REC114: variants seen among roughly 807,000 people sequenced by gnomAD.
REC114 encodes the protein meiotic recombination protein REC114.
Under a neutral mutation model 31.3 loss-of-function variants are expected in REC114, and 27 were observed. The observed-to-expected ratio is 0.86, with a 90% CI of 0.64 to 1.19. The LOEUF (loss-of-function observed/expected upper bound fraction) is 1.19, where lower values mean the gene tolerates loss of function less well. REC114 is among the 50% of genes most tolerant of loss of function. The pLI is 0.00. For synonymous variants in REC114, 134 were observed against 127.7 expected, an observed-to-expected ratio of 1.05 and a Z score of -0.33; for missense variants, 344 against 326.9, an observed-to-expected ratio of 1.05 and a Z score of -0.40.
intron 1 of REC114, among the ~76,000 whole-genome samples, chr15:73,455,749 G>C (rs944303685): frequency 6.6e-6 from 1 of 152,078 alleles, no homozygotes; most frequent in African/African-American, 2.4e-5. Flanking sequence ...TGTAAAACAC[G>C]CATGCACACT....
intron 4 of REC114, among the ~76,000 whole-genome samples, chr15:73,553,567 T>TA (rs1274754463): frequency 1.3e-5 from 2 of 152,162 alleles, no homozygotes; most frequent in African/African-American, 4.8e-5. Context: ...GAGTTCCTTA[T>TA]AAAGGTAATG....
chr15:73,450,567 A>T (rs1181765473), intron 1 of REC114, among the ~76,000 whole-genome samples: 1 of 152,180 alleles, frequency 6.6e-6, no homozygotes, highest in East Asian at 1.9e-4. Context: ...TCAATATTAG[A>T]CAGATCAATG....
At chr15:73,451,849 A>T (rs1892854415) in intron 1 of REC114, among the ~76,000 whole-genome samples, 1 of 152,224 alleles carries the variant, frequency 6.6e-6, no homozygotes, top group Non-Finnish European at 1.5e-5. Flanking sequence ...CAATAAATGT[A>T]ATCCATCACA....
chr15:73,500,990 C>G (rs527967794), intron 2 of REC114, among the ~76,000 whole-genome samples: 1 of 152,236 alleles, frequency 6.6e-6, no homozygotes, highest in Admixed American at 6.5e-5. Flanking sequence ...GGCTTACTAC[C>G]CACTTAACAG....
intron 4 of REC114, among the ~76,000 whole-genome samples, chr15:73,552,878 C>T (rs183776882): frequency 1.6e-3 from 247 of 152,268 alleles, no homozygotes; most frequent in Non-Finnish European, 2.0e-3. Context: ...TGCAATGGCA[C>T]GATCTCGGCT....
At chr15:73,443,578 A>G (rs1341276068) in intron 1 of REC114, among the ~76,000 whole-genome samples, 1 of 152,228 alleles carries the variant, frequency 6.6e-6, no homozygotes, top group Non-Finnish European at 1.5e-5. Flanking sequence ...GGAGTAGTAA[A>G]CATTCATATA....
chr15:73,556,258 A>C (rs1288626554), intron 4 of REC114, 44 bp from the exon 5 acceptor site: 2 of 1,531,134 alleles, frequency 1.3e-6, no homozygotes, highest in African/African-American at 2.8e-5. Context: ...GGTATTTAAG[A>C]TTACATTCAG....
At chr15:73,531,425 T>C (rs1422593840) in intron 2 of REC114, among the ~76,000 whole-genome samples, 1 of 152,186 alleles carries the variant, frequency 6.6e-6, no homozygotes, top group Non-Finnish European at 1.5e-5. Flanking sequence ...ACGGAGTGCA[T>C]GGATGACCAC....
At chr15:73,513,338 A>T (rs1214127665) in intron 2 of REC114, among the ~76,000 whole-genome samples, 1 of 151,250 alleles carries the variant, frequency 6.6e-6, no homozygotes, top group Non-Finnish European at 1.5e-5. Flanking sequence ...TTCTAGTTAT[A>T]CACTCTTCTA....
At chr15:73,511,359 G>T in intron 2 of REC114, among the ~76,000 whole-genome samples, 1 of 151,382 alleles carries the variant, frequency 6.6e-6, no homozygotes, top group African/African-American at 2.4e-5. Flanking sequence ...TCTTGCTAGT[G>T]GTCTATCAAT....
chr15:73,496,351 CAAAAAAAAAAAAAAA>C (rs539098846), intron 2 of REC114, among the ~76,000 whole-genome samples: 1 of 20,508 alleles, frequency 4.9e-5, no homozygotes, highest in Non-Finnish European at 1.1e-4. Flanking sequence ...GACTCCTTCT[CAAAAAAAAAAAAAAA>C]AAAAAAAAAA....
At chr15:73,503,112 T>A (rs376722259) in intron 2 of REC114, among the ~76,000 whole-genome samples, 11 of 152,360 alleles carry the variant, frequency 7.2e-5, no homozygotes, top group East Asian at 5.8e-4. Flanking sequence ...TTTAGCAATA[T>A]TTTGTAAAGT....
rs1254656506 is a variant in REC114 at position 73,466,980 on chromosome 15, A to C, written c.160-6852A>C. Among the ~76,000 whole-genome samples, 3 of 152,210 alleles carry C rather than the reference A, an allele frequency of 2.0e-5. No homozygotes were observed. In the South Asian group the frequency reaches 6.2e-4, roughly 32 times the overall value. ...CAACTGCATCCTAAGAAAGGGTTGG[A>C]TTAAGAACTTCATGTTAAGCAGTCT... On this transcript the variant is annotated intron_variant, in intron 1 of 5. Transcript: ENST00000331090.
chr15:73,546,879 A>AC (rs534436104), intron 3 of REC114, among the ~76,000 whole-genome samples: 134 of 151,954 alleles, frequency 8.8e-4, no homozygotes, highest in African/African-American at 2.6e-3. Flanking sequence ...ATGAAACAAG[A>AC]CTCCTATCTT....
intron 2 of REC114, among the ~76,000 whole-genome samples, chr15:73,498,869 AC>A (rs1893565250): frequency 6.6e-6 from 1 of 152,164 alleles, no homozygotes; most frequent in Non-Finnish European, 1.5e-5. Flanking sequence ...ATTAAGGGAT[AC>A]TATTTTGTGT....
chr15:73,509,782 T>C (rs1407339651), intron 2 of REC114, among the ~76,000 whole-genome samples: 1 of 151,758 alleles, frequency 6.6e-6, no homozygotes, highest in East Asian at 1.9e-4. Flanking sequence ...GAGGGCTCTG[T>C]TCTGTTCCAT....
rs1269508916 is a variant in REC114, at chr15:73,515,794, G to T, written c.250-24691G>T. Among the ~76,000 whole-genome samples the T allele has an allele frequency of 2.6e-5, 4 of 152,274 alleles. No homozygotes were observed. The East Asian group carries it at 7.7e-4, about 29-fold the overall frequency. On this transcript the variant is annotated intron_variant, in intron 2 of 5. Coordinates refer to ENST00000331090, the MANE Select transcript of REC114 (RefSeq NM_001042367.2). The stretch of plus-strand genomic sequence containing the variant: ...CTCAGAACTCCCAGCTTCCAGAAAT[G>T]TGAGAAATGAAATATCTGTTGTTTA...
At chr15:73,546,620 T>C (rs1191762433) in intron 3 of REC114, among the ~76,000 whole-genome samples, 5 of 152,070 alleles carry the variant, frequency 3.3e-5, no homozygotes, top group Non-Finnish European at 7.4e-5. Context: ...CCTATAAAAA[T>C]ATATTTATCA....
At chr15:73,478,286 A>AAAAC (rs1491005530) in intron 2 of REC114, among the ~76,000 whole-genome samples, 1 of 151,016 alleles carries the variant, frequency 6.6e-6, no homozygotes, top group African/African-American at 2.4e-5. Flanking sequence ...AAAAAAAAAA[A>AAAAC]AGAATTTGGG....
Sources: allele counts gnomAD v4.1 joint callset (sites outside exome capture counted in the v4.1 genomes callset), GRCh38; gene constraint gnomAD v4.1.1; transcripts MANE v1.5; gene names NCBI Gene and HGNC (gene_info 2026-07-23, HGNC 2026-07-21).